RNF146: variants seen among roughly 807,000 people sequenced by gnomAD.
RNF146 encodes the protein E3 ubiquitin-protein ligase RNF146.
In RNF146, 11 loss-of-function variants were observed where a neutral mutation model predicts 29.7. That is an observed-to-expected ratio of 0.37 (90% CI 0.23 to 0.61). RNF146 has a LOEUF of 0.61. Ranked by LOEUF, RNF146 falls within the 20% of genes least tolerant of loss-of-function variation. The probability of loss-of-function intolerance (pLI) is 0.66; values close to 1 mark genes in which losing one functional copy is unlikely to be tolerated. For synonymous variants in RNF146, 150 were observed against 159.7 expected, an observed-to-expected ratio of 0.94 and a Z score of 0.46; for missense variants, 342 against 438.9, an observed-to-expected ratio of 0.78 and a Z score of 1.97.
At chr6:127,269,945 G>C (rs1218053397) in intron 1 of RNF146, among the ~76,000 whole-genome samples, 1 of 152,000 alleles carries the variant, frequency 6.6e-6, no homozygotes, top group Non-Finnish European at 1.5e-5. Flanking sequence ...TTAATAATTA[G>C]AAAAATACAG....
intron 1 of RNF146, among the ~76,000 whole-genome samples, chr6:127,276,141 G>A (rs1406570021): frequency 6.6e-6 from 1 of 151,780 alleles, no homozygotes; most frequent in Non-Finnish European, 1.5e-5. Flanking sequence ...CTGGGAAACA[G>A]ACTGTAGAGT....
chr6:127,286,975 C>T lies in RNF146; in HGVS notation c.362C>T (p.Thr121Ile). Reference protein sequence around the residue: ...RNGWWQYDERTSRELEDAFSK... With the variant: ...RNGWWQYDERISRELEDAFSK... Reference sequence around the variant, plus strand: ...GGGTGGTGGCAGTACGATGAGCGCACTAGTAGAGAGCTGGAAGATGCTTTT... The same window carrying T: ...GGGTGGTGGCAGTACGATGAGCGCATTAGTAGAGAGCTGGAAGATGCTTTT... The change falls in exon 3 of 3, where the codon ACT becomes ATT. Residue 121 changes from threonine (T) to isoleucine (I), a missense_variant. By Grantham distance (89) the Thr-to-Ile change is moderately conservative. Transcript: ENST00000368314. This position sits in a 1 kb window ranked among gnomAD's most constrained non-coding sequence, Gnocchi z 4.6. 1 of 1,613,348 alleles carries T rather than the reference C, an allele frequency of 6.2e-7. No homozygotes were observed.
At chr6:127,268,108 T>C (rs1467914205) in intron 1 of RNF146, among the ~76,000 whole-genome samples, 7 of 152,214 alleles carry the variant, frequency 4.6e-5, no homozygotes, top group Admixed American at 2.6e-4. Flanking sequence ...TTTTGTAATA[T>C]CGAAACAGTG....
Position 127,287,586 on chromosome 6 carries a change from C to G in RNF146, c.973C>G (p.Arg325Gly). 3 of 1,612,442 alleles carry G rather than the reference C, an allele frequency of 1.9e-6. No individual in the cohort carries two copies. Among genetic ancestry groups the G allele is most frequent in the Non-Finnish European group, 1.7e-6 (2 of 1,179,268 alleles). ...TAATGCAAACCAGACAGTACCCGAT[C>G]GATCAGATCGATCGGGAACTGATCG... Reference protein sequence around the residue: ...VSNANQTVPDRSDRSGTDRSV... With the variant: ...VSNANQTVPDGSDRSGTDRSV... The change falls in exon 3 of 3, where the codon CGA becomes GGA. Residue 325 changes from arginine (R) to glycine (G), a missense_variant. By Grantham distance (125) the Arg-to-Gly change is moderately radical. This residue lies in a region of RNF146 where 196 missense variants were observed against 208.9 expected (regional missense o/e 0.94). Coordinates refer to ENST00000368314, the MANE Select transcript of RNF146 (RefSeq NM_001242850.2).
chr6:127,271,326 C>G (rs553801208), intron 1 of RNF146, among the ~76,000 whole-genome samples: 1 of 152,278 alleles, frequency 6.6e-6, no homozygotes, highest in South Asian at 2.1e-4. Flanking sequence ...TAACTCCTCA[C>G]ATTGTTCAAG....
chr6:127,271,820 T>C (rs1777540580), intron 1 of RNF146, among the ~76,000 whole-genome samples: 1 of 152,220 alleles, frequency 6.6e-6, no homozygotes, highest in Non-Finnish European at 1.5e-5. Flanking sequence ...CTTTCTATTA[T>C]TATTTTTGTA....
At chr6:127,281,387 T>C (rs966372442) in intron 2 of RNF146, among the ~76,000 whole-genome samples, 3 of 151,674 alleles carry the variant, frequency 2.0e-5, no homozygotes, top group Admixed American at 6.6e-5. Flanking sequence ...ATGAGACATG[T>C]ATGTAATTAA....
chr6:127,274,317 A>G (rs530389270), intron 1 of RNF146, among the ~76,000 whole-genome samples: 1 of 152,272 alleles, frequency 6.6e-6, no homozygotes, highest in East Asian at 1.9e-4. Context: ...GGTTCTTTAG[A>G]GGATTTTTTT....
At chr6:127,267,376 C>T (rs1486729671) in intron 1 of RNF146, among the ~76,000 whole-genome samples, 1 of 152,202 alleles carries the variant, frequency 6.6e-6, no homozygotes, top group Non-Finnish European at 1.5e-5. Flanking sequence ...GGTCCCTCTC[C>T]TCCCCTCTGG....
chr6:127,273,397 C>CT (rs538861408), intron 1 of RNF146, among the ~76,000 whole-genome samples: 10 of 152,208 alleles, frequency 6.6e-5, no homozygotes, highest in African/African-American at 2.4e-4. Context: ...TTTTGATACA[C>CT]TTTAACTTCT....
At chr6:127,279,591 A>G (rs1230483368) in intron 1 of RNF146, among the ~76,000 whole-genome samples, 1 of 151,834 alleles carries the variant, frequency 6.6e-6, no homozygotes, top group Non-Finnish European at 1.5e-5. Context: ...GCAATTCCAT[A>G]TGAATTTGAG....
intron 1 of RNF146, among the ~76,000 whole-genome samples, chr6:127,268,049 C>A (rs1435388465): frequency 6.8e-6 from 1 of 147,914 alleles, no homozygotes; most frequent in Non-Finnish European, 1.5e-5. Context: ...CTCTAAGTGC[C>A]ATTTTAGTGA....
intron 1 of RNF146, among the ~76,000 whole-genome samples, chr6:127,274,314 T>C (rs911543498): frequency 2.0e-5 from 3 of 152,284 alleles, no homozygotes; most frequent in Non-Finnish European, 4.4e-5. Context: ...ATGGGTTCTT[T>C]AGAGGATTTT....
Position 127,275,636 on chromosome 6 carries a change from C to A in RNF146, c.-108-4595C>A, listed in dbSNP as rs9491722. ...TTGAAATTAGTGCATGTGATAAATT[C>A]CGTAATAGAAAAACATACAAAACAT... On this transcript the variant is annotated intron_variant, in intron 1 of 2. Transcript: ENST00000368314. 2.1e-3 allele frequency among the ~76,000 whole-genome samples: 326 copies of A among 152,104 alleles called. 1 individual carries two copies. Among genetic ancestry groups the A allele is most frequent in the African/African-American group, 7.3e-3 (305 of 41,526 alleles).
Position 127,280,277 on chromosome 6 carries a change from T to G in RNF146, c.-62T>G. ...GGAAGAGAAAATACTGTAAGCTGGC[T>G]GACTGCTGGTGAAGAAAATGCTTTA... On this transcript the variant is annotated 5_prime_UTR_variant, in exon 2 of 3. Transcript: ENST00000368314. The G allele has an allele frequency of 6.6e-7, 1 of 1,525,776 alleles. No homozygotes were observed. Among genetic ancestry groups the G allele is most frequent in the Non-Finnish European group, 8.9e-7 (1 of 1,125,692 alleles). The allele number at this position is 1,525,776 out of a possible 1,614,324, so 94.5% of individuals were successfully genotyped here. A position where few individuals can be genotyped will look rare whatever the true frequency, so the allele number is the denominator to read the frequency against.
At chr6:127,278,205 G>T (rs2114470713) in intron 1 of RNF146, among the ~76,000 whole-genome samples, 1 of 152,126 alleles carries the variant, frequency 6.6e-6, no homozygotes, top group Non-Finnish European at 1.5e-5. Flanking sequence ...TAAATGAGAA[G>T]AAAGAAGATT....
chr6:127,287,223 G>C lies in RNF146; in HGVS notation c.610G>C (p.Val204Leu). 6.2e-7 allele frequency: 1 copy of C among 1,613,422 alleles called. No individual in the cohort carries two copies. Among genetic ancestry groups the C allele is most frequent in the East Asian group, 2.2e-5 (1 of 44,828 alleles). Residue 204 changes from valine to leucine, a missense_variant, in exon 3 of 3, where the codon GTA becomes CTA. Transcript: ENST00000368314. ...GAGCTCTGCTGACGGAGCGGACAGT[G>C]TATCAGCACAGAGTGGAGCTTCTGT... ...RESSADGADS[V>L]SAQSGASVQP...
rs1777258038 is a variant in RNF146 at position 127,270,101 on chromosome 6, G to A, written c.-109+3176G>A. Among the ~76,000 whole-genome samples the A allele has an allele frequency of 2.0e-5, 3 of 152,026 alleles. No homozygotes were observed. In the South Asian group the frequency reaches 6.2e-4, roughly 31 times the overall value. ...AAAAAACTCTTGACTTTGATCTTGT[G>A]ACTGACTTGAAAAGTGGGAGTATGA... On this transcript the variant is annotated intron_variant, in intron 1 of 2. Coordinates refer to ENST00000368314, the MANE Select transcript of RNF146 (RefSeq NM_001242850.2).
chr6:127,269,603 A>C (rs1777168626), intron 1 of RNF146, among the ~76,000 whole-genome samples: 1 of 152,164 alleles, frequency 6.6e-6, no homozygotes, highest in South Asian at 2.1e-4. Context: ...ATTTAGTTGA[A>C]ATGAGTTTTG....
Sources: gnomAD v4.1 joint callset for allele counts (sites outside exome capture counted in the v4.1 genomes callset) on GRCh38, gnomAD v4.1.1 for gene constraint, gnomAD v4.1.1 regional missense constraint, Gnocchi (gnomAD v3.1) non-coding constraint, MANE v1.5 for transcripts, NCBI Gene and HGNC (gene_info 2026-07-23, HGNC 2026-07-21) for gene names.